Variants in TBL3 observed in about 807,000 individuals in gnomAD.
TBL3 encodes the protein transducin beta like 3, also known as transducin beta-like protein 3.
A neutral mutation model predicts 102.7 loss-of-function variants in TBL3; 71 were observed. That is an observed-to-expected ratio of 0.69 (90% CI 0.57 to 0.84). The LOEUF (loss-of-function observed/expected upper bound fraction) is 0.84. TBL3 is among the 40% of genes least tolerant of loss of function. The probability of loss-of-function intolerance (pLI) is 0.00; values close to 1 mark genes in which losing one functional copy is unlikely to be tolerated. For synonymous variants in TBL3, 578 were observed against 477.7 expected, an observed-to-expected ratio of 1.21 and a Z score of -2.74; for missense variants, 1,188 against 1,098.5, an observed-to-expected ratio of 1.08 and a Z score of -1.15.
intron 1 of TBL3, among the ~76,000 whole-genome samples, 169 bp from the exon 2 acceptor site, chr16:1,973,887 A>G (rs2083377921): frequency 6.6e-6 from 1 of 152,192 alleles, no homozygotes; most frequent in Non-Finnish European, 1.5e-5. Flanking sequence ...CGGTAGCTAC[A>G]GCCCCCTGCA....
At chr16:1,972,258 C>A in intron 1 of TBL3, 53 bp downstream of exon 1, 1 of 1,300,662 alleles carries the variant, frequency 7.7e-7, no homozygotes, top group Non-Finnish European at 9.9e-7. Context: ...TTGCAGCCGG[C>A]ATAGCGGAGG....
At position 1,976,878 on chromosome 16, in the gene TBL3, A is replaced by G. The variant is rs1217659170; in HGVS notation, c.1357A>G (p.Lys453Glu). 6.2e-7 allele frequency: 1 copy of G among 1,613,912 alleles called. No individual in the cohort carries two copies. Among genetic ancestry groups the G allele is most frequent in the Admixed American group, 1.7e-5 (1 of 60,016 alleles). ...CACTGTGAAGCTGTGGCCTCTTCCC[A>G]AAGCCTTGCTGTCCAAGAACACAGC... ...DCTVKLWPLP[K>E]ALLSKNTAPD... is the part of the protein sequence containing the mutation. Residue 453 changes from lysine (K) to glutamate (E), a missense_variant, in exon 14 of 22, where the codon AAA becomes GAA. Transcript: ENST00000568546.
Position 1,980,256 on chromosome 16 carries a change from A to G in TBL3, c.*1571A>G, listed in dbSNP as rs1366285289. On this transcript the variant is annotated 3_prime_UTR_variant, in exon 22 of 22. Transcript: ENST00000568546. Reference sequence around the variant, plus strand: ...AAACTGGGGGCGCCACCCCGGCAAGACCGCCAGCCTCCCACTCTCTGCCCC... The same window carrying G: ...AAACTGGGGGCGCCACCCCGGCAAGGCCGCCAGCCTCCCACTCTCTGCCCC... 1 of 1,520,746 alleles carries G rather than the reference A, an allele frequency of 6.6e-7. No individual in the cohort carries two copies. Among genetic ancestry groups the G allele is most frequent in the African/African-American group, 1.4e-5 (1 of 73,348 alleles). The allele number at this position is 1,520,746 out of a possible 1,614,324, so 94.2% of individuals were successfully genotyped here.
At position 1,973,920 on chromosome 16, in the gene TBL3, C is replaced by T. The variant is rs543449644; in HGVS notation, c.42-136C>T. 4.9e-5 allele frequency: 45 copies of T among 911,692 alleles called. No homozygotes were observed. In the South Asian group the frequency reaches 9.8e-4, roughly 20 times the overall value. 56.5% of individuals were successfully genotyped at this position (911,692 alleles called of 1,614,324 possible). ...GCAGTACTGCTGGTTCCACCCCATG[C>T]CCTGTCCCTGCTGTTGCCCAGAAAC... On this transcript the variant is annotated intron_variant, in intron 1 of 21. Coordinates refer to ENST00000568546, the MANE Select transcript of TBL3 (RefSeq NM_006453.3).
rs1436892192 is a variant in TBL3 at position 1,978,650 on chromosome 16, AC to A, written c.2397del (p.Trp800GlyfsTer26). On this transcript the variant is annotated frameshift_variant, in exon 22 of 22. Coordinates refer to ENST00000568546, the MANE Select transcript of TBL3 (RefSeq NM_006453.3). LOFTEE classifies it low-confidence loss of function (END_TRUNC). ...MKLPVPAAAP[T>X]PWETHKGALP The stretch of plus-strand genomic sequence containing the variant: ...GCTCCCTGTGCCGGCCGCCGCCCCC[AC>A]CCCCTGGGAAACCCATAAAGGCGCA... 1 of 1,605,632 alleles carries A rather than the reference AC, an allele frequency of 6.2e-7. No homozygotes were observed. Among genetic ancestry groups the A allele is most frequent in the East Asian group, 2.2e-5 (1 of 44,588 alleles).
At position 1,979,409 on chromosome 16, in the gene TBL3, GCCC is replaced by G; in HGVS notation, c.*725_*727del. 1 of 1,603,098 alleles carries G rather than the reference GCCC, an allele frequency of 6.2e-7. No homozygotes were observed. On this transcript the variant is annotated 3_prime_UTR_variant, in exon 22 of 22. Coordinates refer to ENST00000568546, the MANE Select transcript of TBL3 (RefSeq NM_006453.3). ...GCCTCGGCTAGCCTGCCCTGCCCAC[GCCC>G]GCTCCCGCGTACCTGCATAGCCACC...
rs1414404384 is a variant in TBL3, at chr16:1,974,788, C to G, written c.405C>G (p.Val135=). 6.2e-7 allele frequency: 1 copy of G among 1,613,234 alleles called. No homozygotes were observed. The highest frequency in any genetic ancestry group is 2.2e-5 in the East Asian group (1 of 44,884). Residue 135 remains valine, a synonymous_variant, in exon 6 of 22, where the codon GTC becomes GTG. Coordinates refer to ENST00000568546, the MANE Select transcript of TBL3 (RefSeq NM_006453.3). ...GTGGCTGTGATGGGGCCGTGCGCGTCTGGGACATCGTGCGGCACTACGGGA... is the reference window on the plus strand; with the variant it reads ...GTGGCTGTGATGGGGCCGTGCGCGTGTGGGACATCGTGCGGCACTACGGGA... ...ATGGCDGAVR[V]WDIVRHYGTH...
chr16:1,978,953 T>G lies in TBL3; in HGVS notation c.*268T>G, dbSNP rs566481497. On this transcript the variant is annotated 3_prime_UTR_variant, in exon 22 of 22. Coordinates refer to ENST00000568546, the MANE Select transcript of TBL3 (RefSeq NM_006453.3). ...AAGCTTTACTCAGAGGAACAGCAAATGGCCCCCTCCCATCCCTGCTGGCCA... is the reference window on the plus strand; with the variant it reads ...AAGCTTTACTCAGAGGAACAGCAAAGGGCCCCCTCCCATCCCTGCTGGCCA... The G allele has an allele frequency of 8.1e-7, 1 of 1,241,306 alleles. No homozygotes were observed. Among genetic ancestry groups the G allele is most frequent in the East Asian group, 2.6e-5 (1 of 38,970 alleles). The allele number at this position is 1,241,306 out of a possible 1,614,324, so 76.9% of individuals were successfully genotyped here. A position where few individuals can be genotyped will look rare whatever the true frequency, so the allele number is the denominator to read the frequency against.
At chr16:1,973,963 T>C (rs2083378459) in intron 1 of TBL3, 93 bp from the exon 2 acceptor site, 1 of 1,349,968 alleles carries the variant, frequency 7.4e-7, no homozygotes, top group African/African-American at 1.5e-5. Context: ...CAGGGGCCAT[T>C]GGGGTCACTT....
chr16:1,973,394 C>G (rs1385395080), intron 1 of TBL3, among the ~76,000 whole-genome samples: 1 of 152,180 alleles, frequency 6.6e-6, no homozygotes, highest in Non-Finnish European at 1.5e-5. Context: ...CGTGCCACTG[C>G]ACTCCAGCCT....
Position 1,980,990 on chromosome 16 carries a change from G to A in TBL3, c.*2305G>A, listed in dbSNP as rs772456775. 1.5e-5 allele frequency: 24 copies of A among 1,613,108 alleles called. No homozygotes were observed. In the African/African-American group the frequency reaches 2.5e-4, roughly 17 times the overall value. ...TCCTGCGCACGAAGGTGTCGCTGCC[G>A]TCTGACCAGCGCACAGAGAAGGCAA... On this transcript the variant is annotated 3_prime_UTR_variant, in exon 22 of 22. Coordinates refer to ENST00000568546, the MANE Select transcript of TBL3 (RefSeq NM_006453.3).
At chr16:1,978,091 T>C (rs374190784) in intron 19 of TBL3, 30 bp downstream of exon 19, 4 of 1,607,398 alleles carry the variant, frequency 2.5e-6, no homozygotes, top group Non-Finnish European at 3.4e-6. Context: ...GGCGAGGGGC[T>C]GGGTCTTCGG....
At position 1,979,363 on chromosome 16, in the gene TBL3, G is replaced by T. The variant is rs1228432663; in HGVS notation, c.*678G>T. The T allele has an allele frequency of 6.9e-6, 11 of 1,585,562 alleles. No individual in the cohort carries two copies. The highest frequency in any genetic ancestry group is 5.1e-5 in the Admixed American group (3 of 58,414). ...CGGTCGCCGTACCTGCGAGGGGCGG[G>T]GTGTGGTTAGGGCCCCGCCCGCCTC... On this transcript the variant is annotated 3_prime_UTR_variant, in exon 22 of 22. Transcript: ENST00000568546.
In TBL3 at chr16:1,977,202, C is replaced by T; in HGVS notation, c.1589C>T (p.Ser530Phe). 1 of 1,613,224 alleles carries T rather than the reference C, an allele frequency of 6.2e-7. No individual in the cohort carries two copies. Among genetic ancestry groups the T allele is most frequent in the South Asian group, 1.1e-5 (1 of 91,084 alleles). ...HRRGLWCVQF[S>F]PMDQVLATAS... ...CGTGGCCTCTGGTGCGTCCAGTTCT[C>T]TCCCATGGACCAGGTGCTGGCCACG... is the stretch of plus-strand genomic sequence containing the variant. The change falls in exon 15 of 22, where the codon TCT (serine) becomes TTT (phenylalanine). Residue 530 changes from serine (S) to phenylalanine (F), a missense_variant. By Grantham distance (155) the Ser-to-Phe change is radical. Transcript: ENST00000568546.
At position 1,974,510 on chromosome 16, in the gene TBL3, C is replaced by A. The variant is rs759011964; in HGVS notation, c.238-28C>A. The A allele has an allele frequency of 3.1e-6, 5 of 1,588,730 alleles. No homozygotes were observed. In the African/African-American group the frequency reaches 5.4e-5, roughly 17 times the overall value. ...GAAGATGTGAGCAGGGTATTGCTGCCCCTCTGCTGACCTGTACCCTCCCCC... is the reference window on the plus strand; with the variant it reads ...GAAGATGTGAGCAGGGTATTGCTGCACCTCTGCTGACCTGTACCCTCCCCC... On this transcript the variant is annotated intron_variant, in intron 4 of 21. Coordinates refer to ENST00000568546, the MANE Select transcript of TBL3 (RefSeq NM_006453.3).
chr16:1,980,680 C>G lies in TBL3; in HGVS notation c.*1995C>G, dbSNP rs1237222334. On this transcript the variant is annotated 3_prime_UTR_variant, in exon 22 of 22. Coordinates refer to ENST00000568546, the MANE Select transcript of TBL3 (RefSeq NM_006453.3). ...CCGAGAAGCTTTGGGAGAACGCGGT[C>G]AGATCTCCGCAGCAGGCCCGCCTCC... 6.2e-7 allele frequency: 1 copy of G among 1,606,864 alleles called. No individual in the cohort carries two copies. The highest frequency in any genetic ancestry group is 8.5e-7 in the Non-Finnish European group (1 of 1,177,174).
rs768121517 is a variant in TBL3 at position 1,980,896 on chromosome 16, G to C, written c.*2211G>C. The C allele has an allele frequency of 3.8e-6, 6 of 1,568,974 alleles. No individual in the cohort carries two copies. Among genetic ancestry groups the C allele is most frequent in the African/African-American group, 2.7e-5 (2 of 74,146 alleles). On this transcript the variant is annotated 3_prime_UTR_variant, in exon 22 of 22. Coordinates refer to ENST00000568546, the MANE Select transcript of TBL3 (RefSeq NM_006453.3). ...AGTCCAGTGGGAGGCAGCCGCGTGG[G>C]GAAGCCGCCACCGCGGCATCAGGGT...
rs34396773 is a variant in TBL3, at chr16:1,978,913, G to A, written c.*228G>A. ...CGCGGCTCCGCACGCTTAGACGGTG[G>A]GGGTCATGCAGAACAAGCTTTACTC... On this transcript the variant is annotated 3_prime_UTR_variant, in exon 22 of 22. Coordinates refer to ENST00000568546, the MANE Select transcript of TBL3 (RefSeq NM_006453.3). The A allele has an allele frequency of 0.083, 90,907 of 1,101,054 alleles. 4,303 individuals carry two copies. The highest frequency in any genetic ancestry group is 0.093 in the African/African-American group (5,803 of 62,734). 68.2% of individuals were successfully genotyped at this position (1,101,054 alleles called of 1,614,324 possible).
Position 1,977,155 on chromosome 16 carries a change from G to A in TBL3, c.1542G>A (p.Leu514=). 1 of 1,613,062 alleles carries A rather than the reference G, an allele frequency of 6.2e-7. No homozygotes were observed. Among genetic ancestry groups the A allele is most frequent in the South Asian group, 1.1e-5 (1 of 91,084 alleles). Reference sequence around the variant, plus strand: ...GGGCCCTGCCACAGTGCCAGCTGCTGGGTGTCTTCTCAGGCCACCGGCGTG... The same window carrying A: ...GGGCCCTGCCACAGTGCCAGCTGCTAGGTGTCTTCTCAGGCCACCGGCGTG... ...KLWALPQCQL[L]GVFSGHRRGL... is the part of the protein sequence containing the mutation. The change falls in exon 15 of 22, where the codon CTG becomes CTA. Residue 514 remains leucine, a synonymous_variant. Coordinates refer to ENST00000568546, the MANE Select transcript of TBL3 (RefSeq NM_006453.3).
Sources: allele counts gnomAD v4.1 joint callset (sites outside exome capture counted in the v4.1 genomes callset), GRCh38; gene constraint gnomAD v4.1.1; transcripts MANE v1.5; gene names NCBI Gene and HGNC (gene_info 2026-07-23, HGNC 2026-07-21).